The following LMOD1 variants were observed in gnomAD, a reference collection of about 807,000 sequenced individuals.
LMOD1 encodes the protein leiomodin-1.
In LMOD1, 8 loss-of-function variants were observed where a neutral mutation model predicts 36.5. The observed-to-expected ratio is 0.22, with a 90% CI of 0.13 to 0.40. The LOEUF is 0.40. Among genes scored for constraint, LMOD1 ranks in the 10% least tolerant of loss-of-function variants. LMOD1 has a pLI of 1.00. For missense variants in LMOD1, 630 were observed against 751.1 expected (o/e 0.84, Z 1.88); for synonymous variants, 284 against 288.7 (o/e 0.98, Z 0.17).
chr1:201,927,121 T>C (rs1333174739), intron 1 of LMOD1, among the ~76,000 whole-genome samples: 1 of 152,204 alleles, frequency 6.6e-6, no homozygotes. Context: ...AGAAATATCA[T>C]GTCTGTGTTC....
intron 1 of LMOD1, among the ~76,000 whole-genome samples, chr1:201,904,821 G>A (rs1412122913): frequency 6.6e-6 from 1 of 152,222 alleles, no homozygotes; most frequent in East Asian, 1.9e-4. Flanking sequence ...CTTAAAAGGA[G>A]AAGGAGCCCA....
intron 1 of LMOD1, among the ~76,000 whole-genome samples, chr1:201,945,647 C>T (rs1359300722): frequency 6.6e-6 from 1 of 152,102 alleles, no homozygotes; most frequent in African/African-American, 2.4e-5. Flanking sequence ...AGTTATTCTC[C>T]CACAAAAAAT....
intron 1 of LMOD1, among the ~76,000 whole-genome samples, chr1:201,939,592 G>A (rs1322195001): frequency 1.3e-5 from 2 of 152,158 alleles, no homozygotes; most frequent in Non-Finnish European, 1.5e-5. Context: ...CTGCTCTTTT[G>A]CTGGTTAAAC....
rs190191811 is a variant in LMOD1 at position 201,902,984 on chromosome 1, C to G, written c.262-2233G>C. ...TAAAGGGAGGCTGTGATGTCCTCCCCTAAAGGTTTTTCAAGAGGAAGAGAC... is the reference window on the plus strand; with the variant it reads ...TAAAGGGAGGCTGTGATGTCCTCCCGTAAAGGTTTTTCAAGAGGAAGAGAC... On this transcript the variant is annotated intron_variant, in intron 1 of 2. Coordinates refer to ENST00000367288, the MANE Select transcript of LMOD1 (RefSeq NM_012134.3). Among the ~76,000 whole-genome samples, 9 of 152,278 alleles carry G rather than the reference C, an allele frequency of 5.9e-5. No individual in the cohort carries two copies. In the East Asian group the frequency reaches 1.7e-3, roughly 29 times the overall value.
At chr1:201,911,531 G>C (rs373448324) in intron 1 of LMOD1, among the ~76,000 whole-genome samples, 4 of 152,152 alleles carry the variant, frequency 2.6e-5, no homozygotes, top group African/African-American at 7.2e-5. Context: ...CGGGCGTGGT[G>C]GTGGGTGCCT....
At chr1:201,939,569 C>T (rs924334092) in intron 1 of LMOD1, among the ~76,000 whole-genome samples, 3 of 152,126 alleles carry the variant, frequency 2.0e-5, no homozygotes, top group African/African-American at 7.2e-5. Flanking sequence ...ACTGATGAAC[C>T]GAATGGAGAC....
intron 1 of LMOD1, among the ~76,000 whole-genome samples, chr1:201,914,664 C>T (rs1450734229): frequency 6.6e-6 from 1 of 152,144 alleles, no homozygotes; most frequent in Non-Finnish European, 1.5e-5. Flanking sequence ...CAACCCATGG[C>T]AATTCTCCAA....
At chr1:201,905,805 G>T (rs1189851875) in intron 1 of LMOD1, among the ~76,000 whole-genome samples, 1 of 152,242 alleles carries the variant, frequency 6.6e-6, no homozygotes, top group Non-Finnish European at 1.5e-5. Flanking sequence ...GCCTGTGCTT[G>T]CAGAGGTCAC....
Position 201,946,202 on chromosome 1 carries a change from C to T in LMOD1, c.139G>A (p.Val47Met). 6.2e-7 allele frequency: 1 copy of T among 1,614,052 alleles called. No homozygotes were observed. Among genetic ancestry groups the T allele is most frequent in the Non-Finnish European group, 8.5e-7 (1 of 1,179,906 alleles). ...GTCTGGTTTCTCTGCCGCAGCCCCA[C>T]GGGAACACTCCCGTCTGGGTCCACC... The part of the protein sequence containing the change: ...DVVDPDGSVP[V>M]GLRQRNQTEK... Residue 47 changes from valine (V) to methionine (M), a missense_variant, in exon 1 of 3, where the codon GTG becomes ATG. Val to Met is a conservative substitution (Grantham distance 21, BLOSUM62 1). Transcript: ENST00000367288.
rs1246990590 is a variant in LMOD1 at position 201,924,725 on chromosome 1, G to GAAAGA, written c.261+21350_261+21354dup. ...AGAAAGAAAGAAAGAAAGAAAGAAA[G>GAAAGA]AAAGAAAAGAAAGAAATAGCCAGTC... On this transcript the variant is annotated intron_variant, in intron 1 of 2. Transcript: ENST00000367288. Among the ~76,000 whole-genome samples, 10 of 128,820 alleles carry GAAAGA rather than the reference G, an allele frequency of 7.8e-5. No individual in the cohort carries two copies. The East Asian group carries it at 2.0e-3, about 25-fold the overall frequency. The allele number at this position is 128,820 out of a possible 152,430, so 84.5% of individuals were successfully genotyped here. A position where few individuals can be genotyped will look rare whatever the true frequency, so the allele number is the denominator to read the frequency against.
chr1:201,899,456 G>A lies in LMOD1; in HGVS notation c.1557C>T (p.Pro519=), dbSNP rs1166419968. ...CTTTTTTGGGTGAGTTCTTTGGAGA[G>A]GGCTTTGGAGATGGTTGAGGTGAAG... ...PKPSPQPSPK[P]SPKNSPKKGG... is the part of the protein sequence containing the mutation. The change falls in exon 2 of 3, where the codon CCC becomes CCT. Residue 519 remains proline (P), a synonymous_variant. Coordinates refer to ENST00000367288, the MANE Select transcript of LMOD1 (RefSeq NM_012134.3). The surrounding 1 kb of genome is among the most constrained non-coding windows in gnomAD (Gnocchi z 6.3). 1.9e-6 allele frequency: 3 copies of A among 1,613,880 alleles called. No individual in the cohort carries two copies. The highest frequency in any genetic ancestry group is 1.7e-5 in the Admixed American group (1 of 60,000).
intron 1 of LMOD1, among the ~76,000 whole-genome samples, chr1:201,925,407 TA>T (rs1161761650): frequency 1.3e-5 from 2 of 152,184 alleles, no homozygotes; most frequent in Non-Finnish European, 2.9e-5. Context: ...GTTCTGCTTT[TA>T]TTGCGCATGG....
At chr1:201,941,464 C>T (rs573069536) in intron 1 of LMOD1, among the ~76,000 whole-genome samples, 1 of 152,232 alleles carries the variant, frequency 6.6e-6, no homozygotes, top group Non-Finnish European at 1.5e-5. Context: ...GTCAACAGGC[C>T]CCCGTCACCT....
Position 201,928,247 on chromosome 1 carries a change from G to C in LMOD1, c.261+17833C>G, listed in dbSNP as rs149974208. On this transcript the variant is annotated intron_variant, in intron 1 of 2. Coordinates refer to ENST00000367288, the MANE Select transcript of LMOD1 (RefSeq NM_012134.3). ...AGCAGCACAAAATGGACTAAGACGG[G>C]GGAATTGAGGATATAGTCTCTCAAT... Among the ~76,000 whole-genome samples, 297 of 152,226 alleles carry C rather than the reference G, an allele frequency of 2.0e-3. 1 individual carries two copies. Among genetic ancestry groups the C allele is most frequent in the African/African-American group, 6.8e-3 (283 of 41,524 alleles).
Position 201,899,720 on chromosome 1 carries a change from G to T in LMOD1, c.1293C>A (p.Gly431=). The T allele has an allele frequency of 6.2e-7, 1 of 1,614,044 alleles. No homozygotes were observed. Among genetic ancestry groups the T allele is most frequent in the South Asian group, 1.1e-5 (1 of 91,084 alleles). ...RFHNQRHICG[G]KTEMEIAKLL... is the part of the protein sequence containing the mutation. Reference sequence around the variant, plus strand: ...GCTTGGCGATCTCCATCTCCGTCTTGCCTCCACAGATGTGTCGCTGGTTGT... The same window carrying T: ...GCTTGGCGATCTCCATCTCCGTCTTTCCTCCACAGATGTGTCGCTGGTTGT... Residue 431 remains glycine, a synonymous_variant, in exon 2 of 3, where the codon GGC becomes GGA. Coordinates refer to ENST00000367288, the MANE Select transcript of LMOD1 (RefSeq NM_012134.3). This position sits in a 1 kb window ranked among gnomAD's most constrained non-coding sequence, Gnocchi z 6.3.
intron 1 of LMOD1, among the ~76,000 whole-genome samples, chr1:201,918,403 A>T (rs999940241): frequency 6.6e-6 from 1 of 152,142 alleles, no homozygotes; most frequent in African/African-American, 2.4e-5. Context: ...ATTCTGATCC[A>T]TGGCTCCCAT....
chr1:201,940,436 C>G (rs998927373), intron 1 of LMOD1, among the ~76,000 whole-genome samples: 1 of 151,914 alleles, frequency 6.6e-6, no homozygotes, highest in Non-Finnish European at 1.5e-5. Context: ...CCACCCGCCT[C>G]GGCCTCCCCA....
intron 1 of LMOD1, among the ~76,000 whole-genome samples, chr1:201,945,785 T>A (rs751288735): frequency 2.0e-5 from 3 of 151,990 alleles, no homozygotes; most frequent in Non-Finnish European, 4.4e-5. Context: ...CAGGATGGAG[T>A]CAACTTGACA....
At chr1:201,901,522 A>ATG (rs1230316625) in intron 1 of LMOD1, among the ~76,000 whole-genome samples, 1 of 40,986 alleles carries the variant, frequency 2.4e-5, no homozygotes, top group Non-Finnish European at 4.2e-5. Flanking sequence ...ATATATATAT[A>ATG]TATATATGTA....
Sources: gnomAD v4.1 joint callset for allele counts (sites outside exome capture counted in the v4.1 genomes callset) on GRCh38, gnomAD v4.1.1 for gene constraint, Gnocchi (gnomAD v3.1) non-coding constraint, MANE v1.5 for transcripts, NCBI Gene and HGNC (gene_info 2026-07-23, HGNC 2026-07-21) for gene names.